The following ARAP2 variants were observed in gnomAD, a reference collection of about 807,000 sequenced individuals.
ARAP2 encodes the protein ArfGAP with RhoGAP domain, ankyrin repeat and PH domain 2.
ARAP2 carries 148 observed loss-of-function variants against 194.5 expected under a neutral mutation model. That is an observed-to-expected ratio of 0.76 (90% CI 0.67 to 0.87). The LOEUF (loss-of-function observed/expected upper bound fraction) is 0.87. Ranked by LOEUF, ARAP2 falls within the 40% of genes least tolerant of loss-of-function variation. The pLI is 0.00. For missense variants in ARAP2, 2,128 were observed against 1,989.7 expected (o/e 1.07, Z -1.32); for synonymous variants, 695 against 683.5 (o/e 1.02, Z -0.26).
chr4:36,160,661 A>AC lies in ARAP2; in HGVS notation c.2260-21dup, dbSNP rs398107182. The stretch of plus-strand genomic sequence containing the variant: ...AAAAAGCTGAATTGTCAAAAAAAAA[A>AC]CCCCATAATATATCAGTTCATAAAA... On this transcript the variant is annotated intron_variant, in intron 12 of 32. Transcript: ENST00000303965. 62 of 1,431,134 alleles carry AC rather than the reference A, an allele frequency of 4.3e-5. No individual in the cohort carries two copies. In the African/African-American group the frequency reaches 5.8e-4, roughly 13 times the overall value. 88.7% of individuals were successfully genotyped at this position (1,431,134 alleles called of 1,614,324 possible).
intron 15 of ARAP2, among the ~76,000 whole-genome samples, chr4:36,154,705 T>C (rs963932332): frequency 1.6e-4 from 25 of 152,214 alleles, no homozygotes; most frequent in Admixed American, 8.5e-4. Context: ...AACTGACAAT[T>C]TGAAGCCTCT....
intron 24 of ARAP2, among the ~76,000 whole-genome samples, chr4:36,119,154 A>C (rs1434692554): frequency 6.6e-6 from 1 of 151,548 alleles, no homozygotes; most frequent in Non-Finnish European, 1.5e-5. Context: ...AGGACAGGAT[A>C]TAGAAAAGTC....
chr4:36,167,113 C>T, intron 9 of ARAP2, 66 bp from the exon 10 acceptor site: 1 of 977,174 alleles, frequency 1.0e-6, no homozygotes, highest in East Asian at 2.7e-5. Flanking sequence ...AGTATAATTA[C>T]ATTTTCTAAA....
Position 36,160,448 on chromosome 4 carries a change from T to C in ARAP2, c.2442+11A>G. 2.0e-6 allele frequency: 3 copies of C among 1,527,428 alleles called. No homozygotes were observed. Among genetic ancestry groups the C allele is most frequent in the South Asian group, 1.3e-5 (1 of 76,684 alleles). The allele number at this position is 1,527,428 out of a possible 1,614,324, so 94.6% of individuals were successfully genotyped here. ...TAAAATCCACGTCTGCTGTTATGTTTAATTGAATACCTTATTTAATTCTTC... is the reference window on the plus strand; with the variant it reads ...TAAAATCCACGTCTGCTGTTATGTTCAATTGAATACCTTATTTAATTCTTC... On this transcript the variant is annotated intron_variant, in intron 13 of 32. Coordinates refer to ENST00000303965, the MANE Select transcript of ARAP2 (RefSeq NM_015230.4).
intron 28 of ARAP2, among the ~76,000 whole-genome samples, chr4:36,087,155 T>C (rs1712102573): frequency 6.6e-6 from 1 of 152,104 alleles, no homozygotes; most frequent in Non-Finnish European, 1.5e-5. Flanking sequence ...GATAATTTAC[T>C]ATAAAATCAT....
At chr4:36,118,128 C>T (rs1721815236) in intron 24 of ARAP2, among the ~76,000 whole-genome samples, 1 of 151,168 alleles carries the variant, frequency 6.6e-6, no homozygotes, top group African/African-American at 2.4e-5. Context: ...CTTAATTTTT[C>T]TGGCATTACA....
intron 2 of ARAP2, among the ~76,000 whole-genome samples, chr4:36,222,661 G>A (rs968232846): frequency 5.3e-5 from 8 of 152,014 alleles, no homozygotes; most frequent in African/African-American, 1.9e-4. Flanking sequence ...AAGGAAGGAG[G>A]CAGAAAAGTT....
chr4:36,074,630 G>A (rs559728404), intron 31 of ARAP2, among the ~76,000 whole-genome samples: 8 of 152,120 alleles, frequency 5.3e-5, no homozygotes, highest in East Asian at 1.9e-4. Context: ...AATCTATGAC[G>A]TAAACACAGA....
At chr4:36,222,321 T>C (rs1749344786) in intron 2 of ARAP2, among the ~76,000 whole-genome samples, 1 of 152,104 alleles carries the variant, frequency 6.6e-6, no homozygotes, top group Non-Finnish European at 1.5e-5. Flanking sequence ...AGAAAAAAAT[T>C]GTTGGTCCTC....
chr4:36,156,453 GAAAGAAAGA>G lies in ARAP2; in HGVS notation c.2752+2268_2752+2276del, dbSNP rs1412149054. ...AAAGAAAGAAAGAAAGAGAAAGAAAGAAAGAAAGAAAGAAATGAAAGAGAAGAAAGAAAG... is the reference window on the plus strand; with the variant it reads ...AAAGAAAGAAAGAAAGAGAAAGAAAGAAGAAATGAAAGAGAAGAAAGAAAG... On this transcript the variant is annotated intron_variant, in intron 15 of 32. Coordinates refer to ENST00000303965, the MANE Select transcript of ARAP2 (RefSeq NM_015230.4). Among the ~76,000 whole-genome samples, 7 of 29,646 alleles carry G rather than the reference GAAAGAAAGA, an allele frequency of 2.4e-4. 1 individual carries two copies. Among genetic ancestry groups the G allele is most frequent in the Admixed American group, 3.3e-4 (1 of 3,060 alleles). The allele number at this position is 29,646 out of a possible 152,430, so 19.4% of individuals were successfully genotyped here. A position where few individuals can be genotyped will look rare whatever the true frequency, so the allele number is the denominator to read the frequency against.
chr4:36,054,248 C>A (rs1021300799), intron 2 of ARAP2, among the ~76,000 whole-genome samples: 1 of 152,104 alleles, frequency 6.6e-6, no homozygotes, highest in African/African-American at 2.4e-5. Context: ...CCTTTTTATA[C>A]CCCCAAAGTT....
At position 36,074,602 on chromosome 4, in the gene ARAP2, T is replaced by C. The variant is rs375349659; in HGVS notation, c.4609-779A>G. Among the ~76,000 whole-genome samples, 12 of 152,226 alleles carry C rather than the reference T, an allele frequency of 7.9e-5. No homozygotes were observed. In the East Asian group the frequency reaches 2.3e-3, roughly 29 times the overall value. On this transcript the variant is annotated intron_variant, in intron 31 of 32. Transcript: ENST00000303965. ...AACTTTCCAGAATTTGGAAAAAGTA[T>C]ATTGATTTTCAAACAACAATCTATG...
intron 5 of ARAP2, among the ~76,000 whole-genome samples, chr4:36,034,814 A>T (rs1440991216): frequency 2.0e-5 from 3 of 152,302 alleles, no homozygotes; most frequent in African/African-American, 7.2e-5. Flanking sequence ...GTTGAATGTT[A>T]TCGAAAACCT....
intron 27 of ARAP2, among the ~76,000 whole-genome samples, chr4:36,093,438 C>G (rs752826193): frequency 7.2e-5 from 11 of 152,004 alleles, no homozygotes; most frequent in Non-Finnish European, 1.6e-4. Flanking sequence ...TAAATCTAAA[C>G]ATGCAATAAT....
chr4:36,165,682 A>T (rs1353780719), intron 10 of ARAP2, among the ~76,000 whole-genome samples: 1 of 152,126 alleles, frequency 6.6e-6, no homozygotes, highest in Non-Finnish European at 1.5e-5. Flanking sequence ...ATTTTTAGCC[A>T]CGTTCTGATT....
intron 8 of ARAP2, among the ~76,000 whole-genome samples, chr4:36,014,878 A>G (rs1715502767): frequency 6.6e-6 from 1 of 152,120 alleles, no homozygotes; most frequent in South Asian, 2.1e-4. Flanking sequence ...TGTGTGAAAG[A>G]TTTCTTTGAA....
At chr4:36,162,244 A>G (rs1734266474) in intron 11 of ARAP2, among the ~76,000 whole-genome samples, 1 of 152,212 alleles carries the variant, frequency 6.6e-6, no homozygotes, top group African/African-American at 2.4e-5. Flanking sequence ...AACCTTTTGT[A>G]AAGCTTGCTA....
At chr4:36,020,025 A>G (rs1214565543) in intron 5 of ARAP2, among the ~76,000 whole-genome samples, 1 of 152,214 alleles carries the variant, frequency 6.6e-6, no homozygotes, top group East Asian at 1.9e-4. Context: ...ATGAATAACA[A>G]TATCTATATG....
chr4:36,111,726 G>T (rs1577925972), intron 26 of ARAP2, among the ~76,000 whole-genome samples: 1 of 151,872 alleles, frequency 6.6e-6, no homozygotes, highest in African/African-American at 2.4e-5. Context: ...TCCCTTGATT[G>T]CTCAAGATAA....
Sources: allele counts gnomAD v4.1 joint callset (sites outside exome capture counted in the v4.1 genomes callset), GRCh38; gene constraint gnomAD v4.1.1; transcripts MANE v1.5; gene names NCBI Gene and HGNC (gene_info 2026-07-23, HGNC 2026-07-21).